The following TPX2 variants were observed in gnomAD, a reference collection of about 807,000 sequenced individuals.
TPX2 encodes the protein targeting protein for Xklp2.
In TPX2, 21 loss-of-function variants were observed where a neutral mutation model predicts 93.6. The ratio of observed to expected loss-of-function variants is 0.22; its 90% CI spans 0.16 to 0.32. The LOEUF is 0.32. Among genes scored for constraint, TPX2 ranks in the 10% least tolerant of loss-of-function variants. TPX2 has a pLI of 1.00. For missense variants in TPX2, 776 were observed against 871.1 expected (o/e 0.89, Z 1.37); for synonymous variants, 281 against 298.3 (o/e 0.94, Z 0.60).
Position 31,760,173 on chromosome 20 carries a change from A to C in TPX2, c.223A>C (p.Lys75Gln). The stretch of plus-strand genomic sequence containing the variant: ...TCAGCAAGCTATTGTCACACCTTTG[A>C]AACCAGGTAAGAAAACATCTTAGAA... ...NLQQAIVTPL[K>Q]PVDNTYYKEA... The change falls in exon 4 of 18, where the codon AAA (lysine) becomes CAA (glutamine). Residue 75 changes from lysine (K) to glutamine (Q), a missense_variant. By Grantham distance (53) the Lys-to-Gln change is moderately conservative (BLOSUM62 1). Around this residue, in one of 3 missense-constraint regions of TPX2, gnomAD observed 279 missense variants for 261.6 expected, o/e 1.07. Transcript: ENST00000300403. The C allele has an allele frequency of 1.9e-6, 3 of 1,613,646 alleles. No homozygotes were observed. The highest frequency in any genetic ancestry group is 2.5e-6 in the Non-Finnish European group (3 of 1,179,846).
chr20:31,758,749 G>C (rs529148209), intron 3 of TPX2, among the ~76,000 whole-genome samples: 1 of 152,128 alleles, frequency 6.6e-6, no homozygotes. Flanking sequence ...GAGAGGAGTC[G>C]TCTGTTGGAA....
intron 17 of TPX2, among the ~76,000 whole-genome samples, chr20:31,799,426 AAAGTGGATGTTATGTGCTCACACTACAAT>A (rs1195068373): frequency 1.3e-5 from 2 of 152,234 alleles, no homozygotes; most frequent in African/African-American, 2.4e-5. Context: ...AACTGTAAAG[AAAGTGGATGTTATGTGCTCACACTACAAT>A]AAGTGGATGT....
At chr20:31,763,618 T>A (rs1169893905) in intron 4 of TPX2, among the ~76,000 whole-genome samples, 3 of 152,190 alleles carry the variant, frequency 2.0e-5, no homozygotes, top group African/African-American at 7.2e-5. Flanking sequence ...TTGCTTCATA[T>A]AGTTTGAAGC....
intron 11 of TPX2, among the ~76,000 whole-genome samples, chr20:31,783,112 G>A (rs1310975465): frequency 1.3e-5 from 2 of 152,148 alleles, no homozygotes; most frequent in African/African-American, 4.8e-5. Context: ...TTTATTTCCT[G>A]TATCCTTCTT....
intron 4 of TPX2, among the ~76,000 whole-genome samples, chr20:31,761,083 AT>A (rs1466255945): frequency 6.6e-6 from 1 of 152,212 alleles, no homozygotes; most frequent in African/African-American, 2.4e-5. Context: ...TTGTGCAACC[AT>A]CATCCTATCA....
Position 31,766,546 on chromosome 20 carries a change from T to C in TPX2, c.230-10T>C, listed in dbSNP as rs762462311. The C allele has an allele frequency of 6.2e-7, 1 of 1,609,532 alleles. No individual in the cohort carries two copies. The highest frequency in any genetic ancestry group is 1.1e-5 in the South Asian group (1 of 90,482). The stretch of plus-strand genomic sequence containing the variant: ...CCTTTGAGTGCTGACTAGCTTTTGG[T>C]CTTCCGCAGTTGACAACACTTACTA... On this transcript the variant is annotated splice_polypyrimidine_tract_variant and intron_variant, in intron 4 of 17. Coordinates refer to ENST00000300403, the MANE Select transcript of TPX2 (RefSeq NM_012112.5).
At chr20:31,790,614 G>A (rs1427184070) in intron 12 of TPX2, among the ~76,000 whole-genome samples, 1 of 152,128 alleles carries the variant, frequency 6.6e-6, no homozygotes. Flanking sequence ...TGTTTCGAAC[G>A]GTTGCAGCAT....
chr20:31,740,745 A>C (rs2061748819), intron 1 of TPX2, among the ~76,000 whole-genome samples: 1 of 152,174 alleles, frequency 6.6e-6, no homozygotes, highest in African/African-American at 2.4e-5. Flanking sequence ...TTTAGAGGTG[A>C]GGGAGTTCAA....
chr20:31,800,891 CAAAAAG>C, intron 17 of TPX2, 73 bp from the exon 18 acceptor site: 1 of 1,253,732 alleles, frequency 8.0e-7, no homozygotes, highest in East Asian at 2.3e-5. Flanking sequence ...AACATTTTCT[CAAAAAG>C]AAAAAAATAA....
chr20:31,748,201 T>C (rs1408727885), intron 2 of TPX2, among the ~76,000 whole-genome samples: 1 of 152,150 alleles, frequency 6.6e-6, no homozygotes, highest in Admixed American at 6.5e-5. Flanking sequence ...GAAAATAATA[T>C]TTTGTTTTTA....
In TPX2 at chr20:31,778,747, G is replaced by A. The variant is rs115891964; in HGVS notation, c.883-66G>A. On this transcript the variant is annotated intron_variant, in intron 9 of 17. Transcript: ENST00000300403. ...TTTATTGATCCTCTGTGCCGAATAT[G>A]TGGCTTATGGTAGATGTGAGCTCTT... The A allele has an allele frequency of 2.1e-4, 303 of 1,418,728 alleles. 1 individual carries two copies. In the African/African-American group the frequency reaches 4.2e-3, roughly 20 times the overall value. The allele number at this position is 1,418,728 out of a possible 1,614,324, so 87.9% of individuals were successfully genotyped here. A position where few individuals can be genotyped will look rare whatever the true frequency, so the allele number is the denominator to read the frequency against.
At chr20:31,766,495 G>GTCTC (rs2061927036) in intron 4 of TPX2, 61 bp from the exon 5 acceptor site, 6 of 1,429,738 alleles carry the variant, frequency 4.2e-6, no homozygotes, top group Non-Finnish European at 5.8e-6. Flanking sequence ...GTGTGTGTGT[G>GTCTC]TCTCATCTCC....
At chr20:31,775,761 T>C in intron 7 of TPX2, 106 bp from the exon 8 acceptor site, 1 of 1,204,098 alleles carries the variant, frequency 8.3e-7, no homozygotes, top group Non-Finnish European at 1.1e-6. Flanking sequence ...GTTTTGATGA[T>C]TATCTTATCA....
In TPX2 at chr20:31,761,845, T is replaced by C. The variant is rs571432267; in HGVS notation, c.229+1666T>C. 1.2e-4 allele frequency among the ~76,000 whole-genome samples: 19 copies of C among 152,338 alleles called. No individual in the cohort carries two copies. In the South Asian group the frequency reaches 3.9e-3, roughly 32 times the overall value. On this transcript the variant is annotated intron_variant, in intron 4 of 17. Transcript: ENST00000300403. ...GGAGCCTCCATACTGTTTTCCATAA[T>C]AGCTGTACTAATTGACTTTACTACT...
intron 3 of TPX2, among the ~76,000 whole-genome samples, chr20:31,759,687 C>T (rs1041806515): frequency 3.9e-5 from 6 of 151,972 alleles, no homozygotes; most frequent in East Asian, 1.9e-4. Context: ...TGTGAGCCAT[C>T]GCTCCCGGCT....
intron 5 of TPX2, among the ~76,000 whole-genome samples, chr20:31,769,476 G>A (rs1203861918): frequency 2.0e-5 from 3 of 151,886 alleles, no homozygotes; most frequent in Non-Finnish European, 2.9e-5. Flanking sequence ...CCGCCGCCAC[G>A]CCTGGCTAAT....
At chr20:31,778,600 T>A (rs535252699) in intron 9 of TPX2, among the ~76,000 whole-genome samples, 1 of 152,350 alleles carries the variant, frequency 6.6e-6, no homozygotes, top group South Asian at 2.1e-4. Flanking sequence ...AACATAAGAT[T>A]TGTTAAGTGC....
At chr20:31,788,056 A>C (rs2062077805) in intron 12 of TPX2, among the ~76,000 whole-genome samples, 1 of 152,182 alleles carries the variant, frequency 6.6e-6, no homozygotes, top group Non-Finnish European at 1.5e-5. Context: ...TGGGGGTCCC[A>C]AGATTTATTT....
At chr20:31,742,860 T>TA (rs1279482952) in intron 2 of TPX2, among the ~76,000 whole-genome samples, 1 of 152,236 alleles carries the variant, frequency 6.6e-6, no homozygotes, top group Non-Finnish European at 1.5e-5. Flanking sequence ...TTTCTATGTC[T>TA]ATATAGTCAT....
Sources: gnomAD v4.1 joint callset for allele counts (sites outside exome capture counted in the v4.1 genomes callset) on GRCh38, gnomAD v4.1.1 for gene constraint, gnomAD v4.1.1 regional missense constraint, MANE v1.5 for transcripts, NCBI Gene and HGNC (gene_info 2026-07-23, HGNC 2026-07-21) for gene names.